Variants in LIN28A observed in about 807,000 individuals in gnomAD.
LIN28A encodes protein lin-28 homolog A.
LIN28A carries 11 observed loss-of-function variants against 21.1 expected under a neutral mutation model. The ratio of observed to expected loss-of-function variants is 0.52; its 90% CI spans 0.33 to 0.86. The LOEUF (loss-of-function observed/expected upper bound fraction) is 0.86. Among genes scored for constraint, LIN28A ranks in the 40% least tolerant of loss-of-function variants. The pLI is 0.03. For missense variants in LIN28A, 219 were observed against 279.8 expected (o/e 0.78, Z 1.55); for synonymous variants, 111 against 108.7 (o/e 1.02, Z -0.13).
chr1:26,410,853 C>T lies in LIN28A; in HGVS notation c.-39C>T. ...GGACTTCTCCGGGGCCAGCAGCCGCCCGACCAGGGGCCCGGGGCCACGGGC... is the reference window on the plus strand; with the variant it reads ...GGACTTCTCCGGGGCCAGCAGCCGCTCGACCAGGGGCCCGGGGCCACGGGC... On this transcript the variant is annotated 5_prime_UTR_variant, in exon 1 of 4. Transcript: ENST00000326279. 1.2e-6 allele frequency: 2 copies of T among 1,611,168 alleles called. No individual in the cohort carries two copies. Among genetic ancestry groups the T allele is most frequent in the Non-Finnish European group, 1.7e-6 (2 of 1,178,414 alleles).
At position 26,411,633 on chromosome 1, in the gene LIN28A, T is replaced by C. The variant is rs570318403; in HGVS notation, c.228+51T>C. ...CCAGGGAAGGGCGTCTAGGCGCCCA[T>C]ATCCACGGGTGGGCTCCGGGCTCGC... is the stretch of plus-strand genomic sequence containing the variant. On this transcript the variant is annotated intron_variant, in intron 2 of 3. Coordinates refer to ENST00000326279, the MANE Select transcript of LIN28A (RefSeq NM_024674.6). This position sits in a 1 kb window ranked among gnomAD's most constrained non-coding sequence, Gnocchi z 5.4. 6.4e-7 allele frequency: 1 copy of C among 1,565,106 alleles called. No individual in the cohort carries two copies. The highest frequency in any genetic ancestry group is 1.1e-5 in the South Asian group (1 of 87,894).
intron 2 of LIN28A, among the ~76,000 whole-genome samples, chr1:26,417,268 G>A (rs538750732): frequency 6.6e-6 from 1 of 152,158 alleles, no homozygotes; most frequent in Admixed American, 6.5e-5. Context: ...CTGAGCAGAG[G>A]GGATCAGAGG....
In LIN28A at chr1:26,426,272, T is replaced by G; in HGVS notation, c.444T>G (p.His148Gln). Residue 148 changes from histidine (H) to glutamine (Q), a missense_variant, in exon 4 of 4, where the codon CAT becomes CAG. Physicochemically the swap from His to Gln is conservative, Grantham distance 24. Transcript: ENST00000326279. ...RCYNCGGLDH[H>Q]AKECKLPPQP... is the part of the protein sequence containing the mutation. ...ACAACTGTGGAGGTCTAGATCATCA[T>G]GCCAAGGAATGCAAGCTGCCACCCC... The G allele has an allele frequency of 6.2e-7, 1 of 1,614,206 alleles. No individual in the cohort carries two copies. The highest frequency in any genetic ancestry group is 8.5e-7 in the Non-Finnish European group (1 of 1,180,018).
At chr1:26,416,778 C>G (rs1434292632) in intron 2 of LIN28A, among the ~76,000 whole-genome samples, 1 of 151,948 alleles carries the variant, frequency 6.6e-6, no homozygotes. Flanking sequence ...CCACCATGCC[C>G]GGCTAATGTT....
intron 2 of LIN28A, among the ~76,000 whole-genome samples, chr1:26,424,732 G>A (rs1324901888): frequency 6.7e-6 from 1 of 149,024 alleles, no homozygotes; most frequent in African/African-American, 2.4e-5. Flanking sequence ...AAATTTTTCT[G>A]TTTGTTGTTG....
At chr1:26,419,751 T>C (rs529196501) in intron 2 of LIN28A, among the ~76,000 whole-genome samples, 2 of 152,270 alleles carry the variant, frequency 1.3e-5, no homozygotes, top group South Asian at 2.1e-4. Flanking sequence ...GCCATCAGAC[T>C]CAATCAACCC....
At chr1:26,419,779 C>T (rs923740186) in intron 2 of LIN28A, among the ~76,000 whole-genome samples, 1 of 152,114 alleles carries the variant, frequency 6.6e-6, no homozygotes, top group Non-Finnish European at 1.5e-5. Flanking sequence ...TAACTATTTA[C>T]CTGCTGAATC....
At position 26,417,384 on chromosome 1, in the gene LIN28A, C is replaced by T. The variant is rs141630322; in HGVS notation, c.228+5802C>T. Among the ~76,000 whole-genome samples the T allele has an allele frequency of 5.7e-3, 874 of 152,272 alleles. 4 individuals are homozygous for T. The highest frequency in any genetic ancestry group is 0.019 in the African/African-American group (776 of 41,546). ...ATCGAATAACTGCTTCTGGGAGAACCGGTTGGTTCTCCCTTACCAAATCTT... is the reference window on the plus strand; with the variant it reads ...ATCGAATAACTGCTTCTGGGAGAACTGGTTGGTTCTCCCTTACCAAATCTT... On this transcript the variant is annotated intron_variant, in intron 2 of 3. Coordinates refer to ENST00000326279, the MANE Select transcript of LIN28A (RefSeq NM_024674.6).
At chr1:26,418,287 C>T (rs1253880358) in intron 2 of LIN28A, among the ~76,000 whole-genome samples, 1 of 152,104 alleles carries the variant, frequency 6.6e-6, no homozygotes, top group African/African-American at 2.4e-5. Flanking sequence ...TGGCTCACGC[C>T]TGTAATCCCA....
intron 2 of LIN28A, among the ~76,000 whole-genome samples, chr1:26,415,939 C>A (rs1047833108): frequency 6.6e-6 from 1 of 152,150 alleles, no homozygotes; most frequent in African/African-American, 2.4e-5. Flanking sequence ...ATTGTGGAAT[C>A]TTCTGGGGTC....
Position 26,411,612 on chromosome 1 carries a change from G to C in LIN28A, c.228+30G>C. 3 of 1,600,896 alleles carry C rather than the reference G, an allele frequency of 1.9e-6. No individual in the cohort carries two copies. Among genetic ancestry groups the C allele is most frequent in the Non-Finnish European group, 2.6e-6 (3 of 1,175,756 alleles). On this transcript the variant is annotated intron_variant, in intron 2 of 3. Transcript: ENST00000326279. The surrounding 1 kb of genome is among the most constrained non-coding windows in gnomAD (Gnocchi z 5.4). ...GACTGATTCCGGTAACTTTGCCCAG[G>C]GAAGGGCGTCTAGGCGCCCATATCC...
At chr1:26,420,487 G>A (rs1480517739) in intron 2 of LIN28A, among the ~76,000 whole-genome samples, 2 of 151,274 alleles carry the variant, frequency 1.3e-5, no homozygotes, top group Non-Finnish European at 2.9e-5. Context: ...GGTGGCGTGC[G>A]CCTGTAGTCC....
At chr1:26,414,370 G>A (rs1039382137) in intron 2 of LIN28A, among the ~76,000 whole-genome samples, 3 of 152,062 alleles carry the variant, frequency 2.0e-5, no homozygotes, top group Non-Finnish European at 4.4e-5. Context: ...GAGCCCCTTT[G>A]CAAATAAAGA....
chr1:26,423,413 C>CTTTTTTTTTTTTTTTTTTTTTTTTTTT (rs1202952934), intron 2 of LIN28A, among the ~76,000 whole-genome samples: 1 of 78,822 alleles, frequency 1.3e-5, no homozygotes. Flanking sequence ...TTTTCTTTTT[C>CTTTTTTTTTTTTTTTTTTTTTTTTTTT]TTTTTTTTTT....
intron 2 of LIN28A, among the ~76,000 whole-genome samples, chr1:26,415,989 TTTA>T (rs1383582462): frequency 5.9e-5 from 9 of 152,106 alleles, no homozygotes; most frequent in Non-Finnish European, 1.0e-4. Context: ...ATGTCTTTTT[TTTA>T]TTTTTATTTT....
At chr1:26,423,605 T>G (rs1196129026) in intron 2 of LIN28A, among the ~76,000 whole-genome samples, 2 of 150,092 alleles carry the variant, frequency 1.3e-5, no homozygotes, top group Non-Finnish European at 3.0e-5. Context: ...AGAGACAGGG[T>G]TTCTCCATGT....
chr1:26,425,253 G>A, intron 2 of LIN28A, 50 bp from the exon 3 acceptor site: 1 of 1,564,052 alleles, frequency 6.4e-7, no homozygotes. Context: ...TTGTCTTTTG[G>A]TATAATAATG....
chr1:26,416,362 G>C (rs1193769241), intron 2 of LIN28A, among the ~76,000 whole-genome samples: 1 of 152,180 alleles, frequency 6.6e-6, no homozygotes, highest in Non-Finnish European at 1.5e-5. Context: ...CTACCCTCTG[G>C]TTGTTGACAC....
chr1:26,417,871 C>T (rs1193869056), intron 2 of LIN28A, among the ~76,000 whole-genome samples: 2 of 152,146 alleles, frequency 1.3e-5, no homozygotes, highest in Non-Finnish European at 2.9e-5. Flanking sequence ...GCTGGAATGG[C>T]CCTGGAAGAA....
Sources: allele counts gnomAD v4.1 joint callset (sites outside exome capture counted in the v4.1 genomes callset), GRCh38; gene constraint gnomAD v4.1.1; non-coding constraint Gnocchi (gnomAD v3.1); transcripts MANE v1.5; gene names NCBI Gene and HGNC (gene_info 2026-07-23, HGNC 2026-07-21).